The following THUMPD3 variants were observed in gnomAD, a reference collection of about 807,000 sequenced individuals.
The protein encoded by THUMPD3 is tRNA (guanine(6)-N(2))-methyltransferase THUMP3.
THUMPD3 carries 44 observed loss-of-function variants against 54.5 expected under a neutral mutation model. The observed-to-expected ratio is 0.81, with a 90% CI of 0.63 to 1.04. THUMPD3 has a LOEUF of 1.04. Among genes scored for constraint, THUMPD3 ranks in the 50% least tolerant of loss-of-function variants. THUMPD3 has a pLI of 0.00. For missense variants in THUMPD3, 604 were observed against 601.3 expected, an observed-to-expected ratio of 1.00 and a Z score of -0.05; for synonymous variants, 196 against 201.4, an observed-to-expected ratio of 0.97 and a Z score of 0.23.
intron 6 of THUMPD3, among the ~76,000 whole-genome samples, chr3:9,378,472 A>G (rs568460523): frequency 1.1e-4 from 16 of 152,254 alleles, no homozygotes; most frequent in Non-Finnish European, 1.8e-4. Flanking sequence ...TTCCCCTTGA[A>G]TAATCAGTAT....
intron 1 of THUMPD3, chr3:9,363,742 G>C (rs1353399701): frequency 3.3e-5 from 5 of 150,794 alleles, no homozygotes; most frequent in African/African-American, 1.2e-4. Flanking sequence ...AGTAGTAGGC[G>C]TTTGAACATT....
chr3:9,375,639 A>G (rs141445998), intron 5 of THUMPD3, among the ~76,000 whole-genome samples: 2 of 152,396 alleles, frequency 1.3e-5, no homozygotes, highest in African/African-American at 4.8e-5. Flanking sequence ...CCAGTCATGC[A>G]TCACTTAATG....
At position 9,364,946 on chromosome 3, in the gene THUMPD3, G is replaced by T. The variant is rs147270622; in HGVS notation, c.-53-70G>T. The T allele has an allele frequency of 3.5e-5, 47 of 1,330,102 alleles. No individual in the cohort carries two copies. The African/African-American group carries it at 4.4e-4, about 13-fold the overall frequency. The allele number at this position is 1,330,102 out of a possible 1,614,324, so 82.4% of individuals were successfully genotyped here. A position where few individuals can be genotyped will look rare whatever the true frequency, so the allele number is the denominator to read the frequency against. Reference sequence around the variant, plus strand: ...TGCCTTGTTCTTCCTGCCCTCCAGAGCCCATGTTTTTAATTATAACTGAAA... The same window carrying T: ...TGCCTTGTTCTTCCTGCCCTCCAGATCCCATGTTTTTAATTATAACTGAAA... On this transcript the variant is annotated intron_variant, in intron 1 of 9. Coordinates refer to ENST00000452837, the MANE Select transcript of THUMPD3 (RefSeq NM_001114092.2).
intron 7 of THUMPD3, among the ~76,000 whole-genome samples, chr3:9,382,134 T>G (rs2032970346): frequency 3.3e-5 from 5 of 152,118 alleles, no homozygotes; most frequent in Admixed American, 2.6e-4. Context: ...ATTTTTTGCC[T>G]TTTGTTTTGT....
Position 9,384,685 on chromosome 3 carries a change from A to G in THUMPD3, c.1521A>G (p.Glu507=). 1 of 1,614,220 alleles carries G rather than the reference A, an allele frequency of 6.2e-7. No individual in the cohort carries two copies. Among genetic ancestry groups the G allele is most frequent in the Non-Finnish European group, 8.5e-7 (1 of 1,180,038 alleles). Reference sequence around the variant, plus strand: ...GAGGAACTCTTTGGCAATGCAAAGAATGAAGATGACTAATAGTACTTGTAC... The same window carrying G: ...GAGGAACTCTTTGGCAATGCAAAGAGTGAAGATGACTAATAGTACTTGTAC... The part of the protein sequence containing the change: ...GERGTLWQCK[E] The change falls in exon 10 of 10, where the codon GAA becomes GAG. Residue 507 remains glutamate, a synonymous_variant. Coordinates refer to ENST00000452837, the MANE Select transcript of THUMPD3 (RefSeq NM_001114092.2).
At chr3:9,373,458 G>A (rs577132794) in intron 4 of THUMPD3, among the ~76,000 whole-genome samples, 2 of 152,172 alleles carry the variant, frequency 1.3e-5, no homozygotes, top group South Asian at 4.2e-4. Flanking sequence ...TCATGCCACT[G>A]CACTCAATCC....
At chr3:9,366,868 A>G in intron 2 of THUMPD3, 40 bp from the exon 3 acceptor site, 1 of 1,549,030 alleles carries the variant, frequency 6.5e-7, no homozygotes, top group African/African-American at 1.4e-5. Context: ...GTGCTGTTCA[A>G]AAGCTTTCTC....
At chr3:9,380,755 T>A in intron 7 of THUMPD3, 137 bp downstream of exon 7, 3 of 471,984 alleles carry the variant, frequency 6.4e-6, no homozygotes, top group Non-Finnish European at 1.1e-5. Context: ...TCCATTTACA[T>A]TTTTAAAGTT....
chr3:9,382,982 GC>G (rs1199273584), intron 7 of THUMPD3: 9 of 413,546 alleles, frequency 2.2e-5, no homozygotes, highest in Non-Finnish European at 3.6e-5. Context: ...TCCCACCTCA[GC>G]CCCTGAAAGT....
intron 4 of THUMPD3, 86 bp downstream of exon 4, chr3:9,371,622 T>A: frequency 2.6e-6 from 3 of 1,144,464 alleles, no homozygotes; most frequent in Non-Finnish European, 3.8e-6. Context: ...TATGCACAAT[T>A]AAACTGAGGA....
At position 9,384,305 on chromosome 3, in the gene THUMPD3, ACT is replaced by A. The variant is rs1344376650; in HGVS notation, c.1330_1331del (p.Leu444TyrfsTer79). The stretch of plus-strand genomic sequence containing the variant: ...CACCTACCACAGGCCGAGCTGTACT[ACT>A]TACTCAAGACACAAAATGCTTTACC... ...CTPTTGRAVL[L>X]TQDTKCFTKA... is the part of the protein sequence containing the mutation. On this transcript the variant is annotated frameshift_variant, in exon 9 of 10. Coordinates refer to ENST00000452837, the MANE Select transcript of THUMPD3 (RefSeq NM_001114092.2). LOFTEE classifies it high-confidence loss of function. The A allele has an allele frequency of 1.4e-5, 22 of 1,613,988 alleles. No homozygotes were observed. The highest frequency in any genetic ancestry group is 1.8e-5 in the Non-Finnish European group (21 of 1,180,028).
At chr3:9,381,816 G>A (rs1304103795) in intron 7 of THUMPD3, among the ~76,000 whole-genome samples, 11 of 114,692 alleles carry the variant, frequency 9.6e-5, no homozygotes, top group African/African-American at 3.6e-4. Context: ...GTCTCACTCT[G>A]TCGCCCAGGC....
At chr3:9,373,474 G>A (rs538565980) in intron 4 of THUMPD3, among the ~76,000 whole-genome samples, 3 of 152,056 alleles carry the variant, frequency 2.0e-5, no homozygotes, top group Admixed American at 2.0e-4. Context: ...AATCCTGGGC[G>A]ACAGAGTGAG....
At chr3:9,382,530 C>T (rs1383877730) in intron 7 of THUMPD3, among the ~76,000 whole-genome samples, 1 of 151,970 alleles carries the variant, frequency 6.6e-6, no homozygotes, top group Non-Finnish European at 1.5e-5. Context: ...TCTTTTAGGC[C>T]TCCTGTTATT....
Position 9,384,900 on chromosome 3 carries a change from G to GT in THUMPD3, c.*215dup. 1 of 557,074 alleles carries GT rather than the reference G, an allele frequency of 1.8e-6. No homozygotes were observed. Among genetic ancestry groups the GT allele is most frequent in the East Asian group, 3.3e-5 (1 of 30,750 alleles). 34.5% of individuals were successfully genotyped at this position (557,074 alleles called of 1,614,324 possible). ...GTGGCTCACGACTGTAATTCCAGCAGTTTAGGAAGCCGAAGTGTGCAGATC... is the reference window on the plus strand; with the variant it reads ...GTGGCTCACGACTGTAATTCCAGCAGTTTTAGGAAGCCGAAGTGTGCAGATC... On this transcript the variant is annotated 3_prime_UTR_variant, in exon 10 of 10. Coordinates refer to ENST00000452837, the MANE Select transcript of THUMPD3 (RefSeq NM_001114092.2).
intron 5 of THUMPD3, among the ~76,000 whole-genome samples, chr3:9,377,401 G>A (rs933023043): frequency 1.3e-5 from 2 of 151,508 alleles, no homozygotes; most frequent in Admixed American, 1.3e-4. Context: ...TTTTTGAGAC[G>A]GAGTCTTGCT....
rs543520887 is a variant in THUMPD3, at chr3:9,382,039, T to A, written c.1125-1160T>A. Reference sequence around the variant, plus strand: ...ACCTCATGATCTGCCCACCTTGGCCTCCCAAAGTGCTGGGATTACAGGCAT... The same window carrying A: ...ACCTCATGATCTGCCCACCTTGGCCACCCAAAGTGCTGGGATTACAGGCAT... On this transcript the variant is annotated intron_variant, in intron 7 of 9. Transcript: ENST00000452837. Among the ~76,000 whole-genome samples the A allele has an allele frequency of 3.7e-4, 57 of 152,092 alleles. No individual in the cohort carries two copies. The East Asian group carries it at 8.9e-3, about 24-fold the overall frequency.
rs772375173 is a variant in THUMPD3, at chr3:9,374,502, C to G, written c.808-14C>G. ...AATCCTAAAACTATTTTGTCTTGTTCCACTTTGCTATAGGTTCTTTTGAAC... is the reference window on the plus strand; with the variant it reads ...AATCCTAAAACTATTTTGTCTTGTTGCACTTTGCTATAGGTTCTTTTGAAC... On this transcript the variant is annotated splice_polypyrimidine_tract_variant and intron_variant, in intron 4 of 9. Transcript: ENST00000452837. The G allele has an allele frequency of 2.5e-6, 4 of 1,611,756 alleles. No homozygotes were observed. The East Asian group carries it at 8.9e-5, about 36-fold the overall frequency.
intron 6 of THUMPD3, among the ~76,000 whole-genome samples, chr3:9,378,827 C>T (rs947683911): frequency 1.5e-4 from 23 of 152,152 alleles, no homozygotes; most frequent in African/African-American, 5.6e-4. Context: ...CCCAGTCCTT[C>T]TTGTGGCCAA....
Sources: allele counts gnomAD v4.1 joint callset (sites outside exome capture counted in the v4.1 genomes callset), GRCh38; gene constraint gnomAD v4.1.1; transcripts MANE v1.5; gene names NCBI Gene and HGNC (gene_info 2026-07-23, HGNC 2026-07-21).